FGD4: variants seen among roughly 807,000 people sequenced by gnomAD.
FGD4 encodes the protein FYVE, RhoGEF and PH domain containing 4.
Under a neutral mutation model 102.0 loss-of-function variants are expected in FGD4, and 42 were observed. That is an observed-to-expected ratio of 0.41 (90% CI 0.32 to 0.53). The LOEUF (loss-of-function observed/expected upper bound fraction) is 0.53. FGD4 is among the 20% of genes least tolerant of loss of function. FGD4 has a pLI of 0.21. For missense variants in FGD4, 902 were observed against 1,078.2 expected, an observed-to-expected ratio of 0.84 and a Z score of 2.29; for synonymous variants, 380 against 375.7, an observed-to-expected ratio of 1.01 and a Z score of -0.13.
At chr12:32,624,582 C>A in intron 12 of FGD4, 130 bp downstream of exon 12, 1 of 784,280 alleles carries the variant, frequency 1.3e-6, no homozygotes, top group Non-Finnish European at 2.1e-6. Context: ...GCAAGCCTTG[C>A]ATCTCAGCCT....
At chr12:32,560,660 A>T (rs1332420682) in intron 1 of FGD4, among the ~76,000 whole-genome samples, 3 of 152,126 alleles carry the variant, frequency 2.0e-5, no homozygotes, top group Admixed American at 2.0e-4. Context: ...CCATTTTAGC[A>T]GAAGTATGTC....
chr12:32,463,452 CA>C (rs1227141069), intron 1 of FGD4, among the ~76,000 whole-genome samples: 27 of 152,292 alleles, frequency 1.8e-4, no homozygotes, highest in African/African-American at 5.1e-4. Flanking sequence ...AATAAAGTAT[CA>C]TTCAGTTTTC....
At chr12:32,625,512 C>T (rs1018206142) in intron 13 of FGD4, 142 bp from the exon 14 acceptor site, 69 of 1,011,476 alleles carry the variant, frequency 6.8e-5, no homozygotes, top group South Asian at 3.2e-4. Context: ...TCAGGTGATC[C>T]GCCTGCCTCA....
At chr12:32,616,257 T>A (rs1949444717) in intron 10 of FGD4, among the ~76,000 whole-genome samples, 1 of 152,198 alleles carries the variant, frequency 6.6e-6, no homozygotes, top group African/African-American at 2.4e-5. Context: ...GAGGTTTCTG[T>A]TGAATATCTT....
intron 1 of FGD4, among the ~76,000 whole-genome samples, chr12:32,412,079 T>C (rs1319206938): frequency 1.3e-5 from 2 of 152,210 alleles, no homozygotes; most frequent in African/African-American, 4.8e-5. Context: ...GCCCAAATAC[T>C]TACATAATCT....
intron 1 of FGD4, among the ~76,000 whole-genome samples, chr12:32,430,577 CT>C (rs1268746693): frequency 6.6e-6 from 1 of 152,072 alleles, no homozygotes; most frequent in East Asian, 1.9e-4. Flanking sequence ...CTTCATTCCT[CT>C]TTTACTCTAT....
intron 8 of FGD4, 27 bp downstream of exon 8, chr12:32,608,122 C>T (rs1948906234): frequency 1.2e-6 from 2 of 1,613,818 alleles, no homozygotes; most frequent in Non-Finnish European, 1.7e-6. Context: ...TGTTTTCTCC[C>T]TATTTTGGAA....
chr12:32,614,111 A>C (rs1423084558), intron 10 of FGD4, among the ~76,000 whole-genome samples: 1 of 152,204 alleles, frequency 6.6e-6, no homozygotes, highest in African/African-American at 2.4e-5. Flanking sequence ...GCAGTAGCCA[A>C]TACCACAGAC....
chr12:32,625,143 G>A (rs1950070761), intron 13 of FGD4, 75 bp downstream of exon 13: 1 of 1,276,648 alleles, frequency 7.8e-7, no homozygotes, highest in African/African-American at 1.5e-5. Context: ...TAATCATTTT[G>A]TTCTCCAACC....
At chr12:32,620,541 T>C in intron 11 of FGD4, among the ~76,000 whole-genome samples, 1 of 115,678 alleles carries the variant, frequency 8.6e-6, no homozygotes, top group Non-Finnish European at 1.9e-5. Flanking sequence ...TTTTTTTTTT[T>C]TTGAGATGGA....
At chr12:32,497,373 AC>A (rs1322758117) in intron 1 of FGD4, among the ~76,000 whole-genome samples, 1 of 152,150 alleles carries the variant, frequency 6.6e-6, no homozygotes, top group Non-Finnish European at 1.5e-5. Flanking sequence ...AATTATAAAA[AC>A]CCCATTAAAT....
chr12:32,468,619 G>A (rs1427130853), intron 1 of FGD4, among the ~76,000 whole-genome samples: 1 of 152,166 alleles, frequency 6.6e-6, no homozygotes. Flanking sequence ...GCTCATGCCT[G>A]TAAACCCAGC....
At chr12:32,482,277 T>TG (rs1171070406) in intron 1 of FGD4, among the ~76,000 whole-genome samples, 1 of 152,200 alleles carries the variant, frequency 6.6e-6, no homozygotes, top group Non-Finnish European at 1.5e-5. Flanking sequence ...ATTTAGGAGA[T>TG]GGGAAAAACA....
chr12:32,609,003 A>G (rs1295525894), intron 8 of FGD4, among the ~76,000 whole-genome samples: 2 of 152,030 alleles, frequency 1.3e-5, no homozygotes, highest in East Asian at 3.9e-4. Flanking sequence ...TGCAACCTCC[A>G]CCTCCCGAGT....
intron 14 of FGD4, among the ~76,000 whole-genome samples, chr12:32,629,462 G>A (rs1009352930): frequency 2.0e-5 from 3 of 152,198 alleles, no homozygotes; most frequent in Non-Finnish European, 4.4e-5. Flanking sequence ...ACCCTGTGAG[G>A]AAGGTTCTAT....
At chr12:32,485,894 T>C in intron 1 of FGD4, 1 of 1,248,186 alleles carries the variant, frequency 8.0e-7, no homozygotes, top group Non-Finnish European at 1.0e-6. Context: ...AATTTTGAAA[T>C]GCGTTGCTTG....
At chr12:32,435,573 T>C (rs371891647) in intron 1 of FGD4, among the ~76,000 whole-genome samples, 4 of 151,992 alleles carry the variant, frequency 2.6e-5, no homozygotes, top group African/African-American at 9.7e-5. Flanking sequence ...TCATTCGAAC[T>C]TATTTTATTG....
At position 32,642,392 on chromosome 12, in the gene FGD4, G is replaced by A. The variant is rs1951196414; in HGVS notation, c.*1859G>A. 6.6e-6 allele frequency: 1 copy of A among 152,062 alleles called. No individual in the cohort carries two copies. The allele number at this position is 152,062 out of a possible 1,614,324, so 9.4% of individuals were successfully genotyped here. Reference sequence around the variant, plus strand: ...TGGTTTTCTTAATCTCAAGAAAAGAGAAGCAATGGAAATACAGAATGATTA... The same window carrying A: ...TGGTTTTCTTAATCTCAAGAAAAGAAAAGCAATGGAAATACAGAATGATTA... On this transcript the variant is annotated 3_prime_UTR_variant, in exon 17 of 17. Coordinates refer to ENST00000534526, the MANE Select transcript of FGD4 (RefSeq NM_001370298.3).
intron 8 of FGD4, among the ~76,000 whole-genome samples, chr12:32,609,774 T>C (rs949047477): frequency 4.6e-5 from 7 of 152,212 alleles, no homozygotes; most frequent in African/African-American, 1.7e-4. Flanking sequence ...AAAAATGTAG[T>C]TGAAAAGTCT....
Sources: gnomAD v4.1 joint callset for allele counts (sites outside exome capture counted in the v4.1 genomes callset) on GRCh38, gnomAD v4.1.1 for gene constraint, MANE v1.5 for transcripts, NCBI Gene and HGNC (gene_info 2026-07-23, HGNC 2026-07-21) for gene names.